Variants in CERS6 observed in about 807,000 individuals in gnomAD.
The protein encoded by CERS6 is LAG1 homolog, ceramide synthase 6.
Under a neutral mutation model 56.8 loss-of-function variants are expected in CERS6, and 26 were observed. That is an observed-to-expected ratio of 0.46 (90% CI 0.34 to 0.63). The LOEUF is 0.63. CERS6 is among the 30% of genes least tolerant of loss of function. CERS6 has a pLI of 0.01. For synonymous variants in CERS6, 164 were observed against 173.3 expected (o/e 0.95, Z 0.42); for missense variants, 415 against 467.5 (o/e 0.89, Z 1.04).
At chr2:168,617,942 C>T (rs1684358474) in intron 3 of CERS6, among the ~76,000 whole-genome samples, 1 of 152,122 alleles carries the variant, frequency 6.6e-6, no homozygotes, top group Non-Finnish European at 1.5e-5. Context: ...AAGAAAACTA[C>T]AGACCAATAT....
chr2:168,662,262 T>G (rs1685650560), intron 4 of CERS6, among the ~76,000 whole-genome samples: 1 of 152,314 alleles, frequency 6.6e-6, no homozygotes, highest in East Asian at 1.9e-4. Context: ...TTTCACATAC[T>G]TTGTTATATT....
intron 8 of CERS6, among the ~76,000 whole-genome samples, chr2:168,727,488 G>T (rs1683383972): frequency 1.3e-5 from 2 of 151,280 alleles, no homozygotes; most frequent in South Asian, 2.1e-4. Context: ...GGCGAAGGTT[G>T]CAGTGAGCCG....
intron 8 of CERS6, among the ~76,000 whole-genome samples, chr2:168,758,505 C>T (rs181003768): frequency 3.2e-4 from 48 of 152,234 alleles, no homozygotes; most frequent in African/African-American, 9.4e-4. Flanking sequence ...AGGGGAGGAG[C>T]GGCGGAGGCA....
intron 3 of CERS6, among the ~76,000 whole-genome samples, chr2:168,570,158 G>A (rs914999905): frequency 1.5e-4 from 23 of 152,282 alleles, no homozygotes; most frequent in Admixed American, 9.8e-4. Context: ...AATTTAGGAC[G>A]AAGCTCTGAT....
chr2:168,742,206 CCTTT>C (rs1467105077), intron 8 of CERS6, among the ~76,000 whole-genome samples: 6 of 151,938 alleles, frequency 3.9e-5, no homozygotes, highest in South Asian at 2.1e-4. Flanking sequence ...CCCTTTTTTG[CCTTT>C]CTAATAACTT....
At position 168,517,284 on chromosome 2, in the gene CERS6, GA is replaced by G. The variant is rs1307612596; in HGVS notation, c.171-30311del. ...AGTTGGGTGGATCACCTGAAGTCAGGAGTTCGACATCAGCCTGGACAACATG... is the reference window on the plus strand; with the variant it reads ...AGTTGGGTGGATCACCTGAAGTCAGGGTTCGACATCAGCCTGGACAACATG... On this transcript the variant is annotated intron_variant, in intron 1 of 9. Coordinates refer to ENST00000305747, the MANE Select transcript of CERS6 (RefSeq NM_203463.3). 2.6e-5 allele frequency among the ~76,000 whole-genome samples: 4 copies of G among 151,740 alleles called. No individual in the cohort carries two copies. The East Asian group carries it at 7.8e-4, about 30-fold the overall frequency.
rs4564743 is a variant in CERS6, at chr2:168,740,193, C to T, written c.845+22215C>T. Among the ~76,000 whole-genome samples, 1,041 of 152,236 alleles carry T rather than the reference C, an allele frequency of 6.8e-3. 7 individuals are homozygous for T. The highest frequency in any genetic ancestry group is 0.024 in the African/African-American group (994 of 41,544). On this transcript the variant is annotated intron_variant, in intron 8 of 9. Coordinates refer to ENST00000305747, the MANE Select transcript of CERS6 (RefSeq NM_203463.3). ...TTTTCATTAGATACATGTTATTTAA[C>T]AGCACTTCACACAAAGTTGTTACAC...
intron 4 of CERS6, among the ~76,000 whole-genome samples, chr2:168,654,199 G>C (rs1007105409): frequency 1.3e-5 from 2 of 152,158 alleles, no homozygotes; most frequent in African/African-American, 2.4e-5. Context: ...CTAAAGTCAA[G>C]GCTATAGGTA....
At chr2:168,638,063 G>GA (rs59768436) in intron 4 of CERS6, among the ~76,000 whole-genome samples, 45,210 of 150,184 alleles carry the variant, frequency 0.3, 7,638 homozygotes, top group African/African-American at 0.46. Flanking sequence ...TGTTTGGTCT[G>GA]AAAAAAAAAA....
intron 4 of CERS6, among the ~76,000 whole-genome samples, chr2:168,640,825 G>A (rs1284438868): frequency 6.6e-6 from 1 of 152,140 alleles, no homozygotes; most frequent in Admixed American, 6.5e-5. Context: ...AAGATACCTG[G>A]TGTTTGTGTG....
chr2:168,680,316 A>T (rs1341656939), intron 4 of CERS6, among the ~76,000 whole-genome samples: 1 of 151,938 alleles, frequency 6.6e-6, no homozygotes, highest in Non-Finnish European at 1.5e-5. Context: ...CGGGCATCTC[A>T]CCTTCTCAGC....
chr2:168,561,044 C>T (rs775949401), intron 2 of CERS6, 148 bp from the exon 3 acceptor site: 43 of 714,134 alleles, frequency 6.0e-5, no homozygotes, highest in Non-Finnish European at 8.6e-5. Flanking sequence ...TGGAAGGCCT[C>T]GGTCCTCAGA....
In CERS6 at chr2:168,659,249, A is replaced by T. The variant is rs541351616; in HGVS notation, c.465+28207A>T. Among the ~76,000 whole-genome samples, 3 of 152,302 alleles carry T rather than the reference A, an allele frequency of 2.0e-5. No homozygotes were observed. The South Asian group carries it at 6.2e-4, about 32-fold the overall frequency. On this transcript the variant is annotated intron_variant, in intron 4 of 9. Coordinates refer to ENST00000305747, the MANE Select transcript of CERS6 (RefSeq NM_203463.3). Reference sequence around the variant, plus strand: ...CACTTTTCTTTTAATTCCATATTTTAAAAGTCATTTTTAAGTTAAAGTTAT... The same window carrying T: ...CACTTTTCTTTTAATTCCATATTTTTAAAGTCATTTTTAAGTTAAAGTTAT...
intron 1 of CERS6, among the ~76,000 whole-genome samples, chr2:168,534,780 G>T (rs1245839747): frequency 6.6e-6 from 1 of 152,168 alleles, no homozygotes; most frequent in Non-Finnish European, 1.5e-5. Context: ...CCTCACTGTG[G>T]GGAAACACAG....
rs1355704397 is a variant in CERS6 at position 168,645,136 on chromosome 2, TATATATAGAGAGAGAGAGAG to T, written c.465+14096_465+14115del. 3.9e-4 allele frequency among the ~76,000 whole-genome samples: 14 copies of T among 35,492 alleles called. 1 individual carries two copies. Among genetic ancestry groups the T allele is most frequent in the Non-Finnish European group, 5.4e-4 (11 of 20,520 alleles). The allele number at this position is 35,492 out of a possible 152,430, so 23.3% of individuals were successfully genotyped here. ...AAAAAAATATATATATATATATATATATATATAGAGAGAGAGAGAGAGAGAGAGAGAGAGAGAGAGAGAGA... is the reference window on the plus strand; with the variant it reads ...AAAAAAATATATATATATATATATATAGAGAGAGAGAGAGAGAGAGAGAGA... On this transcript the variant is annotated intron_variant, in intron 4 of 9. Transcript: ENST00000305747.
Position 168,456,658 on chromosome 2 carries a change from A to G in CERS6, c.170+40A>G, listed in dbSNP as rs559278352. 1.5e-5 allele frequency: 23 copies of G among 1,570,214 alleles called. No individual in the cohort carries two copies. In the Admixed American group the frequency reaches 2.3e-4, roughly 15 times the overall value. On this transcript the variant is annotated intron_variant, in intron 1 of 9. Coordinates refer to ENST00000305747, the MANE Select transcript of CERS6 (RefSeq NM_203463.3). This position sits in a 1 kb window ranked among gnomAD's most constrained non-coding sequence, Gnocchi z 4.1. The stretch of plus-strand genomic sequence containing the variant: ...AGCCCCTCCTCCCCTCCCCCTGCGC[A>G]CACACACGCGCGCACACACTCGCGC...
At chr2:168,574,660 G>T (rs1683212522) in intron 3 of CERS6, among the ~76,000 whole-genome samples, 2 of 152,040 alleles carry the variant, frequency 1.3e-5, no homozygotes, top group Non-Finnish European at 1.5e-5. Context: ...CAAACACATA[G>T]TCAGAGCTCA....
At chr2:168,718,498 C>T (rs1443872982) in intron 8 of CERS6, among the ~76,000 whole-genome samples, 3 of 152,166 alleles carry the variant, frequency 2.0e-5, no homozygotes, top group Admixed American at 2.0e-4. Context: ...GATTCTGCTG[C>T]ATGTTAAAGT....
At chr2:168,472,489 T>G (rs1204961422) in intron 1 of CERS6, among the ~76,000 whole-genome samples, 1 of 152,220 alleles carries the variant, frequency 6.6e-6, no homozygotes, top group Non-Finnish European at 1.5e-5. Flanking sequence ...AGAACCTTCT[T>G]TCTTTGTGTT....
Sources: gnomAD v4.1 joint callset for allele counts (sites outside exome capture counted in the v4.1 genomes callset) on GRCh38, gnomAD v4.1.1 for gene constraint, Gnocchi (gnomAD v3.1) non-coding constraint, MANE v1.5 for transcripts, NCBI Gene and HGNC (gene_info 2026-07-23, HGNC 2026-07-21) for gene names.